LEPR: variants seen among roughly 807,000 people sequenced by gnomAD.
LEPR encodes leptin receptor, also known as OB receptor.
A neutral mutation model predicts 114.7 loss-of-function variants in LEPR; 56 were observed. That is an observed-to-expected ratio of 0.49 (90% CI 0.39 to 0.61). The LOEUF is 0.61. Among genes scored for constraint, LEPR ranks in the 20% least tolerant of loss-of-function variants. The pLI is 0.00. For missense variants in LEPR, 1,202 were observed against 1,352.9 expected (o/e 0.89, Z 1.75); for synonymous variants, 443 against 461.4 (o/e 0.96, Z 0.51).
At chr1:65,547,481 C>G (rs1220999922) in intron 2 of LEPR, among the ~76,000 whole-genome samples, 2 of 151,708 alleles carry the variant, frequency 1.3e-5, no homozygotes, top group African/African-American at 4.8e-5. Flanking sequence ...GCCACAATTT[C>G]AGATCCTGTT....
Position 65,434,040 on chromosome 1 carries a change from C to T in LEPR, c.-21+8662C>T, listed in dbSNP as rs985100009. 46 of 985,246 alleles carry T rather than the reference C, an allele frequency of 4.7e-5. No individual in the cohort carries two copies. In the African/African-American group the frequency reaches 7.7e-4, roughly 16 times the overall value. The allele number at this position is 985,246 out of a possible 1,614,324, so 61.0% of individuals were successfully genotyped here. ...ACATTTTGCAAAAGTGTTTTTGTTG[C>T]TTATACACATTTTCAATAACCAAGG... On this transcript the variant is annotated intron_variant, in intron 2 of 19. Transcript: ENST00000349533.
chr1:65,467,621 C>T (rs1454298152), intron 2 of LEPR, among the ~76,000 whole-genome samples: 2 of 152,226 alleles, frequency 1.3e-5, no homozygotes, highest in Non-Finnish European at 2.9e-5. Context: ...ACCTTTTGTT[C>T]TACTATACCC....
intron 2 of LEPR, among the ~76,000 whole-genome samples, chr1:65,543,093 T>G (rs927005627): frequency 2.0e-5 from 3 of 152,044 alleles, no homozygotes; most frequent in South Asian, 2.1e-4. Context: ...GTAAAAGCGT[T>G]CCTATTTCTC....
At chr1:65,553,857 C>T (rs1652612020) in intron 2 of LEPR, among the ~76,000 whole-genome samples, 1 of 152,142 alleles carries the variant, frequency 6.6e-6, no homozygotes, top group African/African-American at 2.4e-5. Context: ...TAACTTTGGT[C>T]TTTGATGTTG....
chr1:65,541,543 G>A (rs1223174741), intron 2 of LEPR, among the ~76,000 whole-genome samples: 2 of 151,768 alleles, frequency 1.3e-5, no homozygotes, highest in African/African-American at 4.8e-5. Context: ...AATAATTTAA[G>A]TCTTTAACAG....
chr1:65,516,919 G>T (rs1346646470), intron 2 of LEPR, among the ~76,000 whole-genome samples: 1 of 152,080 alleles, frequency 6.6e-6, no homozygotes, highest in African/African-American at 2.4e-5. Flanking sequence ...CCTTCCAAAG[G>T]CAAGGACAAA....
Position 65,633,467 on chromosome 1 carries a change from T to C in LEPR, c.2674-2724T>C, listed in dbSNP as rs1040614566. ...TTTTGATTTGTCATATTCCTGGTCA[T>C]AAAACATTAAGAAAATTATGGCTGT... is the stretch of plus-strand genomic sequence containing the variant. On this transcript the variant is annotated intron_variant, in intron 19 of 19. Transcript: ENST00000349533. The surrounding 1 kb of genome is among the most constrained non-coding windows in gnomAD (Gnocchi z 4.1). The C allele has an allele frequency of 9.9e-6, 12 of 1,206,580 alleles. No homozygotes were observed. Among genetic ancestry groups the C allele is most frequent in the Non-Finnish European group, 1.1e-5 (11 of 969,952 alleles). The allele number at this position is 1,206,580 out of a possible 1,614,324, so 74.7% of individuals were successfully genotyped here.
chr1:65,455,314 C>T (rs181123181), intron 2 of LEPR, among the ~76,000 whole-genome samples: 49 of 152,330 alleles, frequency 3.2e-4, no homozygotes, highest in African/African-American at 1.1e-3. Flanking sequence ...AGCTTTGTTC[C>T]GTTGCTGGTG....
At chr1:65,523,679 G>T (rs1649753464) in intron 2 of LEPR, among the ~76,000 whole-genome samples, 1 of 152,172 alleles carries the variant, frequency 6.6e-6, no homozygotes, top group African/African-American at 2.4e-5. Context: ...TTCAAATAAT[G>T]ATGCTGGAAT....
At chr1:65,602,028 T>G in intron 10 of LEPR, 68 bp downstream of exon 10, 2 of 1,280,034 alleles carry the variant, frequency 1.6e-6, no homozygotes, top group Non-Finnish European at 2.3e-6. Context: ...TTTAGAAATA[T>G]TACAACAGTA....
intron 2 of LEPR, chr1:65,432,314 T>C (rs1646497295): frequency 2.0e-6 from 2 of 992,076 alleles, no homozygotes; most frequent in African/African-American, 3.5e-5. Context: ...GATCCCTCTT[T>C]GTGTTGTAGT....
At chr1:65,557,744 TA>T (rs1652925564) in intron 2 of LEPR, among the ~76,000 whole-genome samples, 2 of 152,306 alleles carry the variant, frequency 1.3e-5, no homozygotes, top group African/African-American at 4.8e-5. Flanking sequence ...ATTTGTGTTT[TA>T]AAAAACTTCT....
At chr1:65,611,864 A>G (rs1341463524) in intron 14 of LEPR, among the ~76,000 whole-genome samples, 1 of 152,174 alleles carries the variant, frequency 6.6e-6, no homozygotes, top group Non-Finnish European at 1.5e-5. Context: ...TTTAATTTTG[A>G]TTAATTTAAA....
intron 8 of LEPR, among the ~76,000 whole-genome samples, chr1:65,600,106 A>C (rs1313741255): frequency 6.6e-6 from 1 of 152,114 alleles, no homozygotes; most frequent in Non-Finnish European, 1.5e-5. Flanking sequence ...TAATCCATGA[A>C]AACTCAATTA....
Position 65,457,307 on chromosome 1 carries a change from TCTC to T in LEPR, c.-21+31932_-21+31934del, listed in dbSNP as rs1328299060. Among the ~76,000 whole-genome samples, 5 of 152,302 alleles carry T rather than the reference TCTC, an allele frequency of 3.3e-5. No individual in the cohort carries two copies. In the East Asian group the frequency reaches 9.6e-4, roughly 29 times the overall value. On this transcript the variant is annotated intron_variant, in intron 2 of 19. Coordinates refer to ENST00000349533, the MANE Select transcript of LEPR (RefSeq NM_002303.6). Reference sequence around the variant, plus strand: ...GTTTTTAATTTTTCCTTCACTTTCTTCTCCTTCTGTATTCATATTATGCATATG... The same window carrying T: ...GTTTTTAATTTTTCCTTCACTTTCTTCTTCTGTATTCATATTATGCATATG...
chr1:65,526,444 T>C, intron 2 of LEPR: 1 of 983,732 alleles, frequency 1.0e-6, no homozygotes, highest in Non-Finnish European at 1.2e-6. Context: ...ACCGCAGGTA[T>C]GGTGCCATTT....
chr1:65,557,568 C>T (rs146740768), intron 2 of LEPR, among the ~76,000 whole-genome samples: 4 of 152,150 alleles, frequency 2.6e-5, no homozygotes, highest in Non-Finnish European at 5.9e-5. Flanking sequence ...TACAGGAACA[C>T]GCCACCACAC....
At chr1:65,526,462 G>A (rs1649980192) in intron 2 of LEPR, 16 of 959,792 alleles carry the variant, frequency 1.7e-5, no homozygotes, top group Non-Finnish European at 1.9e-5. Context: ...TTTAAAAACT[G>A]GTTCTTTCTG....
rs575972716 is a variant in LEPR at position 65,613,460 on chromosome 1, A to C, written c.1996-2548A>C. 1.6e-4 allele frequency among the ~76,000 whole-genome samples: 24 copies of C among 152,254 alleles called. 4 individuals carry two copies. Among genetic ancestry groups the C allele is most frequent in the African/African-American group, 5.5e-4 (23 of 41,556 alleles). On this transcript the variant is annotated intron_variant, in intron 14 of 19. Transcript: ENST00000349533. ...ACCAAATTACACAAAGAAATCTTTA[A>C]GATTCAACAGGGGCCGGGCGCGGTG... is the stretch of plus-strand genomic sequence containing the variant.
Sources: gnomAD v4.1 joint callset for allele counts (sites outside exome capture counted in the v4.1 genomes callset) on GRCh38, gnomAD v4.1.1 for gene constraint, Gnocchi (gnomAD v3.1) non-coding constraint, MANE v1.5 for transcripts, NCBI Gene and HGNC (gene_info 2026-07-23, HGNC 2026-07-21) for gene names.